Variants in HS6ST3 observed in about 807,000 individuals in gnomAD.
HS6ST3 encodes the protein heparan-sulfate 6-O-sulfotransferase 3.
HS6ST3 carries 12 observed loss-of-function variants against 36.7 expected under a neutral mutation model. The observed-to-expected ratio is 0.33, with a 90% CI of 0.21 to 0.53. The LOEUF (loss-of-function observed/expected upper bound fraction) is 0.53, where lower values mean the gene tolerates loss of function less well. HS6ST3 is among the 20% of genes least tolerant of loss of function. HS6ST3 has a pLI of 0.95. For synonymous variants in HS6ST3, 240 were observed against 257.5 expected, an observed-to-expected ratio of 0.93 and a Z score of 0.65; for missense variants, 584 against 640.9, an observed-to-expected ratio of 0.91 and a Z score of 0.96.
At chr13:96,596,689 A>G (rs1193149378) in intron 1 of HS6ST3, among the ~76,000 whole-genome samples, 1 of 152,144 alleles carries the variant, frequency 6.6e-6, no homozygotes, top group Non-Finnish European at 1.5e-5. Context: ...AGAACAGATG[A>G]TGGCAAGGTT....
intron 1 of HS6ST3, among the ~76,000 whole-genome samples, chr13:96,600,328 GTA>G (rs1491467202): frequency 3.6e-5 from 2 of 55,826 alleles, no homozygotes; most frequent in Admixed American, 2.4e-4. Context: ...CTGGAGTTAG[GTA>G]CACACACACA....
chr13:96,268,009 AAG>A (rs146778586), intron 1 of HS6ST3, among the ~76,000 whole-genome samples: 9 of 149,682 alleles, frequency 6.0e-5, no homozygotes, highest in African/African-American at 7.4e-5. Flanking sequence ...CTCAAGTGCA[AAG>A]AGAGAGAGAG....
intron 1 of HS6ST3, among the ~76,000 whole-genome samples, chr13:96,528,121 C>T (rs926914613): frequency 6.6e-6 from 1 of 152,102 alleles, no homozygotes; most frequent in African/African-American, 2.4e-5. Flanking sequence ...CTTTTTAATA[C>T]GATGAGAAGT....
At chr13:96,816,194 G>A (rs1378296044) in intron 1 of HS6ST3, among the ~76,000 whole-genome samples, 1 of 152,170 alleles carries the variant, frequency 6.6e-6, no homozygotes, top group African/African-American at 2.4e-5. Flanking sequence ...AGGGTTCAAT[G>A]GAAGGCCAGA....
At chr13:96,712,079 A>G (rs1489047977) in intron 1 of HS6ST3, among the ~76,000 whole-genome samples, 2 of 152,136 alleles carry the variant, frequency 1.3e-5, no homozygotes, top group Non-Finnish European at 2.9e-5. Context: ...TTTCTCTAAT[A>G]TGGTGTATTT....
chr13:96,136,280 G>A (rs927379433), intron 1 of HS6ST3, among the ~76,000 whole-genome samples: 1 of 152,124 alleles, frequency 6.6e-6, no homozygotes, highest in Non-Finnish European at 1.5e-5. Context: ...ACTTGAGACT[G>A]GGTAATTTAT....
At chr13:96,152,316 C>CTTTTTTTTTTTT (rs766489670) in intron 1 of HS6ST3, among the ~76,000 whole-genome samples, 20 of 97,018 alleles carry the variant, frequency 2.1e-4, no homozygotes, top group African/African-American at 2.7e-4. Context: ...GGCCCCTTTC[C>CTTTTTTTTTTTT]TTTTTTTTTT....
intron 1 of HS6ST3, among the ~76,000 whole-genome samples, chr13:96,699,685 C>T (rs1875232075): frequency 1.3e-5 from 2 of 152,274 alleles, no homozygotes; most frequent in African/African-American, 2.4e-5. Context: ...GTCAGTGTGG[C>T]GATTCCTCAG....
chr13:96,314,349 A>G (rs576795850), intron 1 of HS6ST3, among the ~76,000 whole-genome samples: 7 of 152,316 alleles, frequency 4.6e-5, no homozygotes, highest in East Asian at 1.9e-4. Context: ...GCAGTTATCT[A>G]TACGCTTTAC....
intron 1 of HS6ST3, among the ~76,000 whole-genome samples, chr13:96,825,257 C>A (rs1566462851): frequency 6.6e-6 from 1 of 152,144 alleles, no homozygotes; most frequent in Non-Finnish European, 1.5e-5. Context: ...CAAGTCATAG[C>A]CTCATAAACA....
intron 1 of HS6ST3, among the ~76,000 whole-genome samples, chr13:96,333,195 A>T (rs1566328259): frequency 6.6e-6 from 1 of 152,248 alleles, no homozygotes; most frequent in Non-Finnish European, 1.5e-5. Flanking sequence ...AAATGCAGGC[A>T]TGTTGCTGGT....
chr13:96,722,322 C>T (rs1397697516), intron 1 of HS6ST3, among the ~76,000 whole-genome samples: 1 of 152,050 alleles, frequency 6.6e-6, no homozygotes, highest in Non-Finnish European at 1.5e-5. Context: ...CTGGCAAAGC[C>T]AAAAATATTC....
chr13:96,681,956 C>A (rs1488481986), intron 1 of HS6ST3, among the ~76,000 whole-genome samples: 1 of 152,116 alleles, frequency 6.6e-6, no homozygotes, highest in Non-Finnish European at 1.5e-5. Context: ...TCTGTGCTGA[C>A]TACCTGGACA....
intron 1 of HS6ST3, among the ~76,000 whole-genome samples, chr13:96,721,989 G>C (rs1474474827): frequency 6.6e-6 from 1 of 152,156 alleles, no homozygotes; most frequent in African/African-American, 2.4e-5. Flanking sequence ...ACATGTGGCC[G>C]GGTGCAGTGG....
intron 1 of HS6ST3, among the ~76,000 whole-genome samples, chr13:96,176,037 C>A (rs1566900215): frequency 6.6e-6 from 1 of 152,050 alleles, no homozygotes; most frequent in Non-Finnish European, 1.5e-5. Context: ...CCATGTTGGC[C>A]AGGTTGGTCT....
At chr13:96,192,709 C>T (rs562910368) in intron 1 of HS6ST3, among the ~76,000 whole-genome samples, 19 of 151,808 alleles carry the variant, frequency 1.3e-4, no homozygotes, top group South Asian at 4.2e-4. Context: ...AACAGTGCTG[C>T]GATGAATATA....
chr13:96,256,501 C>T (rs2054638285), intron 1 of HS6ST3, among the ~76,000 whole-genome samples: 1 of 152,172 alleles, frequency 6.6e-6, no homozygotes, highest in South Asian at 2.1e-4. Flanking sequence ...ATAGTTCTGG[C>T]TGTGTGGTAG....
At chr13:96,747,803 A>G (rs901423756) in intron 1 of HS6ST3, among the ~76,000 whole-genome samples, 17 of 152,160 alleles carry the variant, frequency 1.1e-4, no homozygotes, top group African/African-American at 3.6e-4. Flanking sequence ...ACTGAGGTTC[A>G]GGGGAACTAG....
chr13:96,457,932 A>G (rs552861940), intron 1 of HS6ST3, among the ~76,000 whole-genome samples: 62 of 152,184 alleles, frequency 4.1e-4, no homozygotes, highest in Non-Finnish European at 7.4e-4. Context: ...TAAGAAGGCT[A>G]AGAGTCTATA....
Sources: allele counts gnomAD v4.1 joint callset (sites outside exome capture counted in the v4.1 genomes callset), GRCh38; gene constraint gnomAD v4.1.1; transcripts MANE v1.5; gene names NCBI Gene and HGNC (gene_info 2026-07-23, HGNC 2026-07-21).